OR51B5: variants seen among roughly 807,000 people sequenced by gnomAD.
OR51B5 encodes olfactory receptor 51B5.
For missense variants in OR51B5, 456 were observed against 374.6 expected (o/e 1.22, Z -1.79); for synonymous variants, 186 against 144.8 (o/e 1.28, Z -2.04).
chr11:5,388,200 T>G (rs893352338), intron 1 of OR51B5, among the ~76,000 whole-genome samples: 1 of 152,032 alleles, frequency 6.6e-6, no homozygotes, highest in East Asian at 1.9e-4. Flanking sequence ...ATTCCAATGA[T>G]ATGGTGGCTA....
intron 1 of OR51B5, among the ~76,000 whole-genome samples, chr11:5,445,075 C>G (rs1052474037): frequency 6.6e-6 from 1 of 152,082 alleles, no homozygotes; most frequent in Non-Finnish European, 1.5e-5. Context: ...AGGCAATTGC[C>G]CAGTGCTCTA....
intron 1 of OR51B5, among the ~76,000 whole-genome samples, chr11:5,378,295 T>C (rs943435770): frequency 1.3e-5 from 2 of 152,078 alleles, no homozygotes; most frequent in Non-Finnish European, 2.9e-5. Context: ...CCTTACACCT[T>C]ATACAAAAAT....
chr11:5,352,480 G>A, intron 1 of OR51B5: 2 of 1,391,758 alleles, frequency 1.4e-6, no homozygotes, highest in Non-Finnish European at 2.0e-6. Context: ...AATAATTCAG[G>A]GGACCTGGAC....
upstream of OR51B5, among the ~76,000 whole-genome samples, chr11:5,347,843 G>C (rs1849016297): frequency 6.6e-6 from 1 of 152,208 alleles, no homozygotes; most frequent in Admixed American, 6.6e-5. Flanking sequence ...AATCAGGAAT[G>C]GTCTCTGGGG....
At chr11:5,431,131 A>G (rs922982674) in intron 1 of OR51B5, 20 of 408,976 alleles carry the variant, frequency 4.9e-5, no homozygotes, top group Non-Finnish European at 5.4e-5. Flanking sequence ...AAGTGGGGCC[A>G]TGAGTGCCAC....
chr11:5,473,754 C>T (rs1198069494), intron 1 of OR51B5, among the ~76,000 whole-genome samples: 1 of 152,064 alleles, frequency 6.6e-6, no homozygotes, highest in Non-Finnish European at 1.5e-5. Context: ...CCTTAAAACA[C>T]ATCAAAGACT....
intron 1 of OR51B5, among the ~76,000 whole-genome samples, chr11:5,363,565 C>A (rs911403712): frequency 6.6e-6 from 1 of 151,906 alleles, no homozygotes; most frequent in Admixed American, 6.6e-5. Context: ...GCACAGATAC[C>A]AAGTTTTTGA....
At chr11:5,419,403 C>T (rs1310638744) in intron 1 of OR51B5, among the ~76,000 whole-genome samples, 1 of 152,132 alleles carries the variant, frequency 6.6e-6, no homozygotes, top group Non-Finnish European at 1.5e-5. Context: ...TTTGTGGGTT[C>T]CACATTCATG....
chr11:5,420,451 T>G (rs1016572981), intron 1 of OR51B5, among the ~76,000 whole-genome samples: 1 of 152,046 alleles, frequency 6.6e-6, no homozygotes, highest in Non-Finnish European at 1.5e-5. Context: ...TGTCATATAG[T>G]TTTTCTTAAT....
rs61894103 is a variant in OR51B5 at position 5,418,581 on chromosome 11, A to G, written n.85-71671T>C. On this transcript the variant is annotated intron_variant and non_coding_transcript_variant, in intron 1 of 4. Transcript: ENST00000415970. ...GGATGAGTTCATGTCTCTTGCAGGG[A>G]CATGCATGAAGCTGGAAACCATCAT... Among the ~76,000 whole-genome samples the G allele has an allele frequency of 0.039, 5,968 of 152,202 alleles. 518 individuals carry two copies. The East Asian group carries it at 0.4, about 10-fold the overall frequency.
chr11:5,379,478 T>TAAAA (rs552357666), intron 1 of OR51B5, among the ~76,000 whole-genome samples: 52,142 of 143,544 alleles, frequency 0.36, 9,479 homozygotes, highest in Non-Finnish European at 0.4. Flanking sequence ...ATAAATAAAA[T>TAAAA]AAATAAAAAA....
chr11:5,416,508 G>T (rs978553932), intron 1 of OR51B5, among the ~76,000 whole-genome samples: 1 of 151,530 alleles, frequency 6.6e-6, no homozygotes, highest in African/African-American at 2.4e-5. Flanking sequence ...CAGATGACAT[G>T]ATTGTATATC....
Position 5,477,653 on chromosome 11 carries a change from G to A in OR51B5, n.84+27916C>T, listed in dbSNP as rs538762139. ...ACAGTCGGCGCAGGTCAGTGGGTGCGCGCACCGTGCGCGAGCCGAAGCAGG... is the reference window on the plus strand; with the variant it reads ...ACAGTCGGCGCAGGTCAGTGGGTGCACGCACCGTGCGCGAGCCGAAGCAGG... On this transcript the variant is annotated intron_variant and non_coding_transcript_variant, in intron 1 of 4. Coordinates refer to the OR51B5 transcript ENST00000415970. Among the ~76,000 whole-genome samples, 456 of 152,140 alleles carry A rather than the reference G, an allele frequency of 3.0e-3. 2 individuals carry two copies. Among genetic ancestry groups the A allele is most frequent in the African/African-American group, 0.01 (435 of 41,494 alleles).
downstream of OR51B5, among the ~76,000 whole-genome samples, chr11:5,341,850 A>G (rs1250428254): frequency 6.6e-6 from 1 of 152,192 alleles, no homozygotes; most frequent in Admixed American, 6.5e-5. Flanking sequence ...TAGTAGAATA[A>G]GAATGAGAGC....
At chr11:5,390,504 GCAAATTTATGTCT>G in intron 1 of OR51B5, 1 of 772,578 alleles carries the variant, frequency 1.3e-6, no homozygotes, top group Non-Finnish European at 2.0e-6. Context: ...TAAAATATGG[GCAAATTTATGTCT>G]GGAGTTGTGG....
At chr11:5,489,583 C>T in intron 1 of OR51B5, 1 of 1,614,008 alleles carries the variant, frequency 6.2e-7, no homozygotes, top group South Asian at 1.1e-5. Context: ...TGTACTCAAT[C>T]CTATTCTCTA....
intron 1 of OR51B5, chr11:5,441,197 G>A (rs745717951): frequency 6.2e-7 from 1 of 1,614,006 alleles, no homozygotes; most frequent in South Asian, 1.1e-5. Flanking sequence ...AGAAAGTGTG[G>A]ATGAAGAACA....
At chr11:5,458,561 A>C (rs1408775280) in intron 1 of OR51B5, among the ~76,000 whole-genome samples, 1 of 152,142 alleles carries the variant, frequency 6.6e-6, no homozygotes, top group Non-Finnish European at 1.5e-5. Context: ...TGGTTATTTT[A>C]ACAAAATTGA....
At chr11:5,421,433 C>A (rs571474916) in intron 1 of OR51B5, among the ~76,000 whole-genome samples, 4 of 152,228 alleles carry the variant, frequency 2.6e-5, no homozygotes, top group Non-Finnish European at 5.9e-5. Flanking sequence ...AGAATTAATA[C>A]GAGTTATCCA....
Sources: gnomAD v4.1 joint callset for allele counts (sites outside exome capture counted in the v4.1 genomes callset) on GRCh38, gnomAD v4.1.1 for gene constraint, MANE v1.5 for transcripts, NCBI Gene and HGNC (gene_info 2026-07-23, HGNC 2026-07-21) for gene names.